The following CTNNA2 variants were observed in gnomAD, a reference collection of about 807,000 sequenced individuals.
CTNNA2 encodes catenin alpha 2.
In CTNNA2, 42 loss-of-function variants were observed where a neutral mutation model predicts 101.0. That is an observed-to-expected ratio of 0.42 (90% CI 0.32 to 0.54). The LOEUF is 0.54. Among genes scored for constraint, CTNNA2 ranks in the 20% least tolerant of loss-of-function variants. The pLI, the probability that CTNNA2 is intolerant of heterozygous loss-of-function variation, is 0.14. For synonymous variants in CTNNA2, 450 were observed against 456.4 expected, an observed-to-expected ratio of 0.99 and a Z score of 0.18; for missense variants, 871 against 1,223.1, an observed-to-expected ratio of 0.71 and a Z score of 4.29.
chr2:79,381,304 A>T (rs1460860487), intron 4 of CTNNA2, among the ~76,000 whole-genome samples: 1 of 152,054 alleles, frequency 6.6e-6, no homozygotes, highest in Non-Finnish European at 1.5e-5. Flanking sequence ...ATAATAGAAA[A>T]ACCCCCAAAA....
intron 4 of CTNNA2, among the ~76,000 whole-genome samples, chr2:79,393,284 A>G (rs1678194185): frequency 1.3e-5 from 2 of 152,184 alleles, no homozygotes; most frequent in Admixed American, 6.5e-5. Context: ...TTGGTCCTCT[A>G]TGACTGTTAG....
chr2:80,317,017 C>G (rs1310019610), intron 7 of CTNNA2, among the ~76,000 whole-genome samples: 1 of 151,918 alleles, frequency 6.6e-6, no homozygotes, highest in African/African-American at 2.4e-5. Flanking sequence ...GAGTTGACAC[C>G]TGAATGATGA....
intron 8 of CTNNA2, among the ~76,000 whole-genome samples, chr2:80,396,566 A>T (rs1678031510): frequency 6.6e-6 from 1 of 152,180 alleles, no homozygotes; most frequent in Non-Finnish European, 1.5e-5. Context: ...AGTTTCTGCC[A>T]ACTGTACCCC....
intron 5 of CTNNA2, among the ~76,000 whole-genome samples, chr2:79,506,114 CCAAA>C (rs1249829005): frequency 6.6e-6 from 1 of 152,052 alleles, no homozygotes; most frequent in Admixed American, 6.6e-5. Context: ...TTTTAATCAG[CCAAA>C]CACTTTTTCA....
In CTNNA2 at chr2:79,858,080, C is replaced by A. The variant is rs375393951; in HGVS notation, c.366C>A (p.Thr122=). 1 of 1,614,194 alleles carries A rather than the reference C, an allele frequency of 6.2e-7. No individual in the cohort carries two copies. The change falls in exon 4 of 19, where the codon ACC becomes ACA. Residue 122 remains threonine (T), a synonymous_variant. Coordinates refer to ENST00000402739, the MANE Select transcript of CTNNA2 (RefSeq NM_001282597.3). ...CTTGCTCGTCGGTAAAGCGCGGCAC[C>A]ATGGTACGGGCGGCAAGGGCTTTGC... is the stretch of plus-strand genomic sequence containing the variant. ...DDPCSSVKRG[T]MVRAARALLS...
intron 4 of CTNNA2, among the ~76,000 whole-genome samples, chr2:79,443,379 G>C (rs888615503): frequency 6.6e-6 from 1 of 152,120 alleles, no homozygotes; most frequent in Non-Finnish European, 1.5e-5. Flanking sequence ...AGAAGAGACA[G>C]ATAATTTGCC....
chr2:80,618,377 C>T (rs957459725), intron 17 of CTNNA2, among the ~76,000 whole-genome samples: 17 of 151,518 alleles, frequency 1.1e-4, no homozygotes, highest in East Asian at 7.8e-4. Flanking sequence ...ATTTGATACA[C>T]GCAGAAAAAG....
chr2:80,589,906 G>GCGCA (rs1696312281), intron 15 of CTNNA2, among the ~76,000 whole-genome samples: 1 of 146,050 alleles, frequency 6.8e-6, no homozygotes, highest in African/African-American at 2.7e-5. Flanking sequence ...GTGTGTGTGT[G>GCGCA]CGCGCGCGCG....
At chr2:79,691,574 C>T (rs1684304448) in intron 2 of CTNNA2, among the ~76,000 whole-genome samples, 1 of 151,840 alleles carries the variant, frequency 6.6e-6, no homozygotes, top group African/African-American at 2.4e-5. Context: ...CAGGACAATC[C>T]TAAGCAAAAA....
intron 7 of CTNNA2, among the ~76,000 whole-genome samples, chr2:80,020,447 C>A (rs1013138173): frequency 2.6e-5 from 4 of 152,064 alleles, no homozygotes; most frequent in Non-Finnish European, 5.9e-5. Flanking sequence ...AGATAAAGTT[C>A]TCATTTTGCA....
chr2:79,743,300 A>T (rs1412157614), intron 2 of CTNNA2, among the ~76,000 whole-genome samples: 5 of 152,218 alleles, frequency 3.3e-5, no homozygotes, highest in Non-Finnish European at 7.3e-5. Context: ...TTTATAGGAG[A>T]TAACATGTTG....
At chr2:80,417,416 AC>A (rs1162019150) in intron 8 of CTNNA2, among the ~76,000 whole-genome samples, 1 of 151,288 alleles carries the variant, frequency 6.6e-6, no homozygotes, top group Non-Finnish European at 1.5e-5. Flanking sequence ...TTATTCATGG[AC>A]CCCCTGGTAG....
chr2:79,290,783 C>G (rs1675782494), intron 2 of CTNNA2, among the ~76,000 whole-genome samples: 2 of 152,136 alleles, frequency 1.3e-5, no homozygotes, highest in African/African-American at 4.8e-5. Flanking sequence ...GCTTTTTCCA[C>G]TCAATAAAAC....
chr2:79,618,428 G>T (rs895574344), intron 1 of CTNNA2, among the ~76,000 whole-genome samples: 4 of 152,086 alleles, frequency 2.6e-5, no homozygotes, highest in African/African-American at 4.8e-5. Context: ...TAGGTTGCTA[G>T]TTTGAGGTTA....
At chr2:79,391,398 TG>T (rs1338115029) in intron 4 of CTNNA2, among the ~76,000 whole-genome samples, 2 of 152,334 alleles carry the variant, frequency 1.3e-5, no homozygotes, top group East Asian at 3.9e-4. Flanking sequence ...AATAGCAGTT[TG>T]TTTTCTCTTA....
chr2:79,965,707 C>T (rs765616259), intron 7 of CTNNA2, among the ~76,000 whole-genome samples: 3 of 151,042 alleles, frequency 2.0e-5, no homozygotes, highest in South Asian at 4.2e-4. Context: ...GCCTGTAATC[C>T]CAGATACTTG....
intron 1 of CTNNA2, among the ~76,000 whole-genome samples, chr2:79,588,888 C>T (rs896884515): frequency 1.3e-5 from 2 of 152,046 alleles, no homozygotes; most frequent in African/African-American, 4.8e-5. Context: ...GGAGGTAAGA[C>T]CTTTTAGCCT....
At chr2:79,320,385 T>C (rs1026232731) in intron 3 of CTNNA2, among the ~76,000 whole-genome samples, 5 of 149,074 alleles carry the variant, frequency 3.4e-5, no homozygotes, top group African/African-American at 1.2e-4. Flanking sequence ...TTACCCCACA[T>C]ACCAAATGCC....
intron 9 of CTNNA2, among the ~76,000 whole-genome samples, chr2:80,485,528 A>T (rs1686503381): frequency 6.6e-6 from 1 of 152,234 alleles, no homozygotes; most frequent in African/African-American, 2.4e-5. Context: ...AAAAGGTCAG[A>T]CAGTCCATTT....
Sources: allele counts gnomAD v4.1 joint callset (sites outside exome capture counted in the v4.1 genomes callset), GRCh38; gene constraint gnomAD v4.1.1; transcripts MANE v1.5; gene names NCBI Gene and HGNC (gene_info 2026-07-23, HGNC 2026-07-21).